ZNF90: variants seen among roughly 807,000 people sequenced by gnomAD.
ZNF90 encodes the protein zinc finger protein HTF9.
A neutral mutation model predicts 12.0 loss-of-function variants in ZNF90; 11 were observed. The ratio of observed to expected loss-of-function variants is 0.92; its 90% CI spans 0.58 to 1.52. The LOEUF is 1.52. Ranked by LOEUF, ZNF90 falls within the 40% of genes most tolerant of loss-of-function variation. ZNF90 has a pLI of 0.00. For missense variants in ZNF90, 765 were observed against 711.5 expected, an observed-to-expected ratio of 1.08 and a Z score of -0.86; for synonymous variants, 232 against 240.1, an observed-to-expected ratio of 0.97 and a Z score of 0.31.
chr19:20,109,609 C>G (rs1474460), intron 3 of ZNF90, among the ~76,000 whole-genome samples: 41,896 of 151,694 alleles, frequency 0.28, 6,354 homozygotes, highest in East Asian at 0.48. Flanking sequence ...GGTTGTGGCT[C>G]TCGTCTGTAA....
intron 3 of ZNF90, among the ~76,000 whole-genome samples, chr19:20,111,016 T>C (rs1357542923): frequency 6.6e-6 from 1 of 152,240 alleles, no homozygotes; most frequent in African/African-American, 2.4e-5. Context: ...AATTTTGATG[T>C]CTAGTGTAGT....
At chr19:20,103,450 A>G (rs1473171392) in intron 1 of ZNF90, among the ~76,000 whole-genome samples, 3 of 152,162 alleles carry the variant, frequency 2.0e-5, no homozygotes, top group Non-Finnish European at 4.4e-5. Flanking sequence ...GTGATGCTGT[A>G]TTCTTCTGTG....
intron 1 of ZNF90, chr19:20,087,609 G>A (rs2088869133): frequency 6.6e-6 from 1 of 152,252 alleles, no homozygotes; most frequent in South Asian, 2.1e-4. Context: ...TGGCAAATTG[G>A]GTTCACACAA....
chr19:20,083,622 C>T (rs1382239292), intron 1 of ZNF90, among the ~76,000 whole-genome samples: 4 of 151,870 alleles, frequency 2.6e-5, no homozygotes, highest in Admixed American at 1.3e-4. Flanking sequence ...CCACCACGCC[C>T]AGGCTCTGCA....
chr19:20,115,349 G>C (rs1467289639), intron 3 of ZNF90, among the ~76,000 whole-genome samples: 1 of 150,654 alleles, frequency 6.6e-6, no homozygotes, highest in East Asian at 1.9e-4. Context: ...AAAGAGAAAA[G>C]CTTACTAATG....
rs782810653 is a variant in ZNF90, at chr19:20,118,638, A to G, written c.1084A>G (p.Ile362Val). ...CTTAGTCCTTCGTACACATAAGAGA[A>G]TTCATACTGGAGAGAAACCCTACAA... ...RSLVLRTHKRIHTGEKPYKCD... is the reference protein window; with the variant it reads ...RSLVLRTHKRVHTGEKPYKCD... The change falls in exon 4 of 4, where the codon ATT (isoleucine) becomes GTT (valine). Residue 362 changes from isoleucine (I) to valine (V), a missense_variant. By Grantham distance (29) the Ile-to-Val change is conservative (BLOSUM62 3). Coordinates refer to ENST00000418063, the MANE Select transcript of ZNF90 (RefSeq NM_007138.2). The G allele has an allele frequency of 2.5e-6, 4 of 1,611,986 alleles. No individual in the cohort carries two copies. The highest frequency in any genetic ancestry group is 3.4e-6 in the Non-Finnish European group (4 of 1,179,348).
In ZNF90 at chr19:20,118,814, T is replaced by C; in HGVS notation, c.1260T>C (p.Thr420=). Residue 420 remains threonine, a synonymous_variant, in exon 4 of 4, where the codon ACT becomes ACC. Transcript: ENST00000418063. ...TTACTATACATAAGATAAGTCATAC[T>C]GAAGAGAAACCCTACAAATGTCAAG... The part of the protein sequence containing the change: ...STLTIHKISH[T]EEKPYKCQEC... 6.2e-7 allele frequency: 1 copy of C among 1,603,798 alleles called. No individual in the cohort carries two copies.
chr19:20,104,899 C>A (rs1555704231), intron 2 of ZNF90, among the ~76,000 whole-genome samples: 1 of 152,104 alleles, frequency 6.6e-6, no homozygotes, highest in African/African-American at 2.4e-5. Flanking sequence ...AAGGCTGAGG[C>A]AGGAGAATTT....
At chr19:20,111,734 C>G (rs952866176) in intron 3 of ZNF90, among the ~76,000 whole-genome samples, 2 of 152,026 alleles carry the variant, frequency 1.3e-5, no homozygotes, top group South Asian at 2.1e-4. Context: ...TTACATACAT[C>G]TTAAAGTTAA....
At chr19:20,097,647 T>G (rs1348113101) in intron 1 of ZNF90, among the ~76,000 whole-genome samples, 2 of 152,222 alleles carry the variant, frequency 1.3e-5, no homozygotes, top group African/African-American at 4.8e-5. Flanking sequence ...GCTATAAACA[T>G]GCTGCCACTC....
Position 20,103,352 on chromosome 19 carries a change from T to G in ZNF90, c.4-887T>G, listed in dbSNP as rs572333199. ...CAAGGAACCAGCAAGTCTAGACACA[T>G]TCCAGAGGACATTATGTCAGTCATG... On this transcript the variant is annotated intron_variant, in intron 1 of 3. Coordinates refer to ENST00000418063, the MANE Select transcript of ZNF90 (RefSeq NM_007138.2). Among the ~76,000 whole-genome samples, 114 of 152,344 alleles carry G rather than the reference T, an allele frequency of 7.5e-4. 1 individual carries two copies. The highest frequency in any genetic ancestry group is 2.7e-3 in the African/African-American group (112 of 41,576).
chr19:20,099,264 C>T (rs1425638769), intron 1 of ZNF90, among the ~76,000 whole-genome samples: 1 of 152,022 alleles, frequency 6.6e-6, no homozygotes, highest in Admixed American at 6.6e-5. Context: ...ACCTCTGCCA[C>T]CAGGGTTCAA....
intron 1 of ZNF90, among the ~76,000 whole-genome samples, chr19:20,095,916 G>A (rs562365421): frequency 1.3e-5 from 2 of 152,344 alleles, no homozygotes; most frequent in South Asian, 4.1e-4. Context: ...AGGTGTCCCT[G>A]TGTGGTCTGA....
intron 1 of ZNF90, among the ~76,000 whole-genome samples, chr19:20,088,637 A>G (rs1449095936): frequency 1.3e-5 from 2 of 152,188 alleles, no homozygotes; most frequent in Non-Finnish European, 2.9e-5. Context: ...ATTTAAGAAT[A>G]TGCAGGGTCC....
At chr19:20,102,482 G>A (rs558244598) in intron 1 of ZNF90, among the ~76,000 whole-genome samples, 5 of 152,292 alleles carry the variant, frequency 3.3e-5, no homozygotes, top group African/African-American at 7.2e-5. Flanking sequence ...TGGTGTTAGC[G>A]ATAAGGCCCC....
chr19:20,118,461 CATAAG>C lies in ZNF90; in HGVS notation c.913_917del (p.Ile305SerfsTer3), dbSNP rs1226940295. On this transcript the variant is annotated frameshift_variant, in exon 4 of 4. Transcript: ENST00000418063. LOFTEE classifies it low-confidence loss of function (END_TRUNC). ...TATTTCATCCTCGATCCTTTATGTACATAAGATAAGTCATACTGAAGAGAAACCCT... is the reference window on the plus strand; with the variant it reads ...TATTTCATCCTCGATCCTTTATGTACATAAGTCATACTGAAGAGAAACCCT... 3 of 1,613,102 alleles carry C rather than the reference CATAAG, an allele frequency of 1.9e-6. No individual in the cohort carries two copies. The highest frequency in any genetic ancestry group is 2.2e-5 in the South Asian group (2 of 90,980).
Position 20,117,835 on chromosome 19 carries a change from C to G in ZNF90, c.281C>G (p.Ser94Cys), listed in dbSNP as rs781814680. The part of the protein sequence containing the change: ...DLCPEQSLKD[S>C]FQKVIVTRYE... ...TGTCCAGAGCAGAGCCTAAAAGATTCCTTCCAAAAAGTGATAGTGACAAGA... is the reference window on the plus strand; with the variant it reads ...TGTCCAGAGCAGAGCCTAAAAGATTGCTTCCAAAAAGTGATAGTGACAAGA... The change falls in exon 4 of 4, where the codon TCC (serine) becomes TGC (cysteine). Residue 94 changes from serine (S) to cysteine (C), a missense_variant. Ser to Cys is a moderately radical substitution (Grantham distance 112). Transcript: ENST00000418063. 9 of 1,596,162 alleles carry G rather than the reference C, an allele frequency of 5.6e-6. 1 individual carries two copies. Among genetic ancestry groups the G allele is most frequent in the Middle Eastern group, 1.7e-4 (1 of 5,970 alleles).
intron 1 of ZNF90, among the ~76,000 whole-genome samples, chr19:20,094,986 A>G (rs1018539259): frequency 6.6e-6 from 1 of 152,022 alleles, no homozygotes; most frequent in Non-Finnish European, 1.5e-5. Flanking sequence ...GAGGTGATAG[A>G]AGGATTATAG....
Position 20,118,858 on chromosome 19 carries a change from A to G in ZNF90, c.1304A>G (p.Lys435Arg). 1.2e-6 allele frequency: 2 copies of G among 1,607,072 alleles called. No individual in the cohort carries two copies. The highest frequency in any genetic ancestry group is 1.7e-6 in the Non-Finnish European group (2 of 1,176,772). Residue 435 changes from lysine (K) to arginine (R), a missense_variant, in exon 4 of 4, where the codon AAA becomes AGA. Transcript: ENST00000418063. ...TGTCAAGAATGTGACAAAGTCTTCA[A>G]ACGCTCCTCAGCCCTTAGCACACAT... ...YKCQECDKVF[K>R]RSSALSTHKI...
Sources: gnomAD v4.1 joint callset for allele counts (sites outside exome capture counted in the v4.1 genomes callset) on GRCh38, gnomAD v4.1.1 for gene constraint, MANE v1.5 for transcripts, NCBI Gene and HGNC (gene_info 2026-07-23, HGNC 2026-07-21) for gene names.